CCDC7: variants seen among roughly 807,000 people sequenced by gnomAD.
CCDC7 encodes coiled-coil domain containing 7, also known as coiled-coil domain-containing protein 7.
In CCDC7, 183 loss-of-function variants were observed where a neutral mutation model predicts 196.9. The observed-to-expected ratio is 0.93, with a 90% confidence interval of 0.82 to 1.05. CCDC7 has a LOEUF of 1.05. Ranked by LOEUF, CCDC7 falls within the 50% of genes least tolerant of loss-of-function variation. The probability of loss-of-function intolerance (pLI) is 0.00; values close to 1 mark genes in which losing one functional copy is unlikely to be tolerated. For synonymous variants in CCDC7, 525 were observed against 484.6 expected (o/e 1.08, Z -1.10); for missense variants, 1,540 against 1,482.2 (o/e 1.04, Z -0.64).
intron 9 of CCDC7, 48 bp downstream of exon 10, chr10:32,492,045 AAG>A: frequency 6.8e-7 from 1 of 1,474,848 alleles, no homozygotes; most frequent in Non-Finnish European, 9.0e-7. Flanking sequence ...TTTTTAAAAA[AAG>A]ACAGATAAAA....
At chr10:32,827,127 T>G (rs959588518) in intron 32 of CCDC7, among the ~76,000 whole-genome samples, 1 of 152,204 alleles carries the variant, frequency 6.6e-6, no homozygotes, top group African/African-American at 2.4e-5. Flanking sequence ...TGGACACCAC[T>G]CAGCCTCTTT....
At chr10:32,679,285 A>T (rs562477026) in intron 21 of CCDC7, among the ~76,000 whole-genome samples, 1 of 152,276 alleles carries the variant, frequency 6.6e-6, no homozygotes, top group East Asian at 1.9e-4. Context: ...AGCCCAATAG[A>T]TTCCTCTGAC....
At chr10:32,729,407 G>A in exon 28 of CCDC7, 1 of 1,485,870 alleles carries the variant, frequency 6.7e-7, no homozygotes, top group Non-Finnish European at 9.3e-7. Context: ...TTATTATCAA[G>A]AAGCGAATCT....
At chr10:32,464,649 A>G (rs1283530866) in intron 5 of CCDC7, among the ~76,000 whole-genome samples, 1 of 152,080 alleles carries the variant, frequency 6.6e-6, no homozygotes, top group East Asian at 1.9e-4. Context: ...AGCTGGGACC[A>G]CGGGCATGAG....
At chr10:32,722,031 C>T (rs1349634797) in intron 25 of CCDC7, among the ~76,000 whole-genome samples, 1 of 152,044 alleles carries the variant, frequency 6.6e-6, no homozygotes, top group Admixed American at 6.6e-5. Flanking sequence ...TACACAGGCC[C>T]CATGGGGTTA....
chr10:32,569,706 G>A (rs888736971), intron 15 of CCDC7, among the ~76,000 whole-genome samples: 3 of 152,068 alleles, frequency 2.0e-5, no homozygotes, highest in African/African-American at 7.2e-5. Flanking sequence ...GGGATTACAG[G>A]CATGAGCTAC....
At chr10:32,447,007 C>T (rs1401956825), upstream of CCDC7, among the ~76,000 whole-genome samples, 1 of 145,212 alleles carries the variant, frequency 6.9e-6, no homozygotes, top group Non-Finnish European at 1.5e-5. Flanking sequence ...GGACACAATG[C>T]AATCCATAAC....
At chr10:32,760,158 T>G (rs1177066756) in intron 28 of CCDC7, among the ~76,000 whole-genome samples, 2 of 151,690 alleles carry the variant, frequency 1.3e-5, no homozygotes, top group Admixed American at 6.6e-5. Context: ...GACTGTAAAC[T>G]AGTTCAACCA....
chr10:32,518,513 A>C lies in CCDC7; in HGVS notation c.993+8A>C, dbSNP rs1268275202. 5.0e-6 allele frequency: 8 copies of C among 1,600,832 alleles called. No homozygotes were observed. Among genetic ancestry groups the C allele is most frequent in the Admixed American group, 3.5e-5 (2 of 57,456 alleles). On this transcript the variant is annotated splice_region_variant and intron_variant, in intron 11 of 41. Transcript: ENST00000639629. ...AAGTTGAAGGACAAAGAGGTTGGAAAAATTTTAGTGTTTGAAAATGGCATA... is the reference window on the plus strand; with the variant it reads ...AAGTTGAAGGACAAAGAGGTTGGAACAATTTTAGTGTTTGAAAATGGCATA...
chr10:32,816,202 C>T lies in CCDC7; in HGVS notation c.3181+1749C>T, dbSNP rs555389673. Among the ~76,000 whole-genome samples, 124 of 152,358 alleles carry T rather than the reference C, an allele frequency of 8.1e-4. 2 individuals carry two copies. Among genetic ancestry groups the T allele is most frequent in the Admixed American group, 6.9e-3 (105 of 15,308 alleles). Reference sequence around the variant, plus strand: ...CCAGGAGATTATATCCTGCGCATGGCTCGGAGGGTCCTGCGCCCATGGAGC... The same window carrying T: ...CCAGGAGATTATATCCTGCGCATGGTTCGGAGGGTCCTGCGCCCATGGAGC... On this transcript the variant is annotated intron_variant, in intron 31 of 41. Coordinates refer to ENST00000639629, the Ensembl canonical transcript of CCDC7.
chr10:32,799,628 A>G (rs2084365298), intron 29 of CCDC7, among the ~76,000 whole-genome samples: 1 of 152,226 alleles, frequency 6.6e-6, no homozygotes, highest in African/African-American at 2.4e-5. Context: ...TATTCTAAGG[A>G]ATATCTTGAC....
At chr10:32,801,517 C>A (rs986202863) in intron 29 of CCDC7, among the ~76,000 whole-genome samples, 11 of 152,174 alleles carry the variant, frequency 7.2e-5, no homozygotes, top group African/African-American at 2.2e-4. Flanking sequence ...TTATCCTACA[C>A]CCTTAATATT....
At chr10:32,630,852 T>C (rs1277120259) in intron 18 of CCDC7, among the ~76,000 whole-genome samples, 1 of 152,198 alleles carries the variant, frequency 6.6e-6, no homozygotes, top group African/African-American at 2.4e-5. Context: ...CTTTGAGTCT[T>C]CTTCCAGTCA....
At chr10:32,781,911 C>A (rs1054404202) in intron 29 of CCDC7, among the ~76,000 whole-genome samples, 77 of 151,862 alleles carry the variant, frequency 5.1e-4, no homozygotes, top group Non-Finnish European at 1.0e-4. Flanking sequence ...TGAAGAAAAC[C>A]CTAATGATTC....
chr10:32,468,705 C>G (rs989489288), intron 5 of CCDC7, among the ~76,000 whole-genome samples: 2 of 151,806 alleles, frequency 1.3e-5, no homozygotes, highest in African/African-American at 4.8e-5. Flanking sequence ...GCCAAGATAC[C>G]TGTTATAAGT....
intron 21 of CCDC7, chr10:32,675,959 G>A (rs1308270046): frequency 6.6e-6 from 1 of 151,430 alleles, no homozygotes; most frequent in Non-Finnish European, 1.5e-5. Context: ...AGAGCTGGAG[G>A]CATCACGCTA....
intron 11 of CCDC7, among the ~76,000 whole-genome samples, chr10:32,519,447 C>T (rs1427956299): frequency 7.9e-5 from 12 of 152,164 alleles, no homozygotes; most frequent in Non-Finnish European, 1.6e-4. Flanking sequence ...TCTAATTCTG[C>T]TCTAGAGAGC....
chr10:32,745,073 A>G (rs995213715), intron 28 of CCDC7, among the ~76,000 whole-genome samples: 1 of 152,214 alleles, frequency 6.6e-6, no homozygotes, highest in African/African-American at 2.4e-5. Context: ...TGTTGAAAAG[A>G]TATTCCTTTC....
chr10:32,534,109 TC>T (rs2050109527), intron 11 of CCDC7, among the ~76,000 whole-genome samples: 1 of 152,118 alleles, frequency 6.6e-6, no homozygotes, highest in African/African-American at 2.4e-5. Context: ...TCTTCTTTTT[TC>T]TCCTTTTTGT....
Sources: gnomAD v4.1 joint callset for allele counts (sites outside exome capture counted in the v4.1 genomes callset) on GRCh38, gnomAD v4.1.1 for gene constraint, MANE v1.5 for transcripts, NCBI Gene and HGNC (gene_info 2026-07-23, HGNC 2026-07-21) for gene names.